The following FRMPD3 variants were observed in gnomAD, a reference collection of about 807,000 sequenced individuals.
FRMPD3 encodes FERM and PDZ domain containing 3.
Under a neutral mutation model 97.9 loss-of-function variants are expected in FRMPD3, and 42 were observed. That is an observed-to-expected ratio of 0.43 (90% CI 0.34 to 0.55). The LOEUF is 0.55. Ranked by LOEUF, FRMPD3 falls within the 20% of genes least tolerant of loss-of-function variation. The pLI, the probability that FRMPD3 is intolerant of heterozygous loss-of-function variation, is 0.03. For synonymous variants in FRMPD3, 577 were observed against 581.1 expected (o/e 0.99, Z 0.10); for missense variants, 1,303 against 1,457.7 (o/e 0.89, Z 1.73).
intron 1 of FRMPD3, among the ~76,000 whole-genome samples, chrX:107,513,785 A>G (rs1922228560): frequency 8.9e-6 from 1 of 112,431 alleles, no homozygotes; most frequent in Admixed American, 9.4e-5. Flanking sequence ...CTATTCATTC[A>G]TTGGTTGATT....
intron 1 of FRMPD3, among the ~76,000 whole-genome samples, chrX:107,468,205 C>T (rs1931608668): frequency 8.9e-6 from 1 of 111,900 alleles, no homozygotes; most frequent in African/African-American, 3.3e-5. Context: ...AATTTTACTC[C>T]CCGAAGTATG....
chrX:107,601,732 G>A lies in FRMPD3; in HGVS notation c.3693G>A (p.Glu1231=). Residue 1231 remains glutamate, a synonymous_variant, in exon 15 of 15, where the codon GAG becomes GAA. Transcript: ENST00000683843. The part of the protein sequence containing the change: ...SATFPTRQKK[E]TDERQAQLQK... ...CCTTCCCAACCCGCCAGAAGAAGGA[G>A]ACAGATGAGCGGCAGGCCCAACTGC... The A allele has an allele frequency of 8.3e-7, 1 of 1,211,454 alleles. No individual in the cohort carries two copies. The highest frequency in any genetic ancestry group is 1.1e-6 in the Non-Finnish European group (1 of 895,546).
In FRMPD3 at chrX:107,597,668, T is replaced by C; in HGVS notation, c.1789T>C (p.Tyr597His). The C allele has an allele frequency of 8.3e-7, 1 of 1,210,789 alleles. No individual in the cohort carries two copies. The highest frequency in any genetic ancestry group is 1.1e-6 in the Non-Finnish European group (1 of 895,331). The change falls in exon 14 of 15, where the codon TAC (tyrosine) becomes CAC (histidine). Residue 597 changes from tyrosine to histidine, a missense_variant. Coordinates refer to ENST00000683843, the MANE Select transcript of FRMPD3 (RefSeq NM_001388459.1). ...HEPCASRARS[Y>H]TLDNSLGAEA... ...GCCTTGTGCCAGCAGGGCCCGGTCCTACACCTTGGACAATTCCCTTGGGGC... is the reference window on the plus strand; with the variant it reads ...GCCTTGTGCCAGCAGGGCCCGGTCCCACACCTTGGACAATTCCCTTGGGGC...
intron 5 of FRMPD3, 87 bp downstream of exon 5, chrX:107,545,928 G>C (rs761843008): frequency 2.7e-6 from 2 of 732,529 alleles, no homozygotes; most frequent in East Asian, 3.4e-5. Flanking sequence ...TCTTATAGTG[G>C]ACAGCTTTCC....
In FRMPD3 at chrX:107,600,306, T is replaced by G. The variant is rs752469279; in HGVS notation, c.2267T>G (p.Leu756Arg). 3 of 1,202,002 alleles carry G rather than the reference T, an allele frequency of 2.5e-6. No individual in the cohort carries two copies. Among genetic ancestry groups the G allele is most frequent in the Non-Finnish European group, 3.4e-6 (3 of 889,834 alleles). ...PHPPPPQTAG[L>R]IVLATITPES... ...AGCCCTATCCCTGTTCCTCCAGGTC[T>G]GATTGTGCTGGCCACAATCACTCCT... The change falls in exon 15 of 15, where the codon CTG becomes CGG. Residue 756 changes from leucine to arginine, a missense_variant. Around this residue, in one of 3 missense-constraint regions of FRMPD3, gnomAD observed 535 missense variants for 618.6 expected, o/e 0.86. Coordinates refer to ENST00000683843, the MANE Select transcript of FRMPD3 (RefSeq NM_001388459.1).
intron 1 of FRMPD3, among the ~76,000 whole-genome samples, chrX:107,465,243 G>T (rs1227721680): frequency 1.8e-5 from 2 of 111,215 alleles, no homozygotes; most frequent in Admixed American, 1.9e-4. Flanking sequence ...AGGTCAAGGC[G>T]GGCAAATCAC....
chrX:107,582,077 G>A (rs1028410984), intron 13 of FRMPD3, among the ~76,000 whole-genome samples: 4 of 111,740 alleles, frequency 3.6e-5, no homozygotes, highest in African/African-American at 1.3e-4. Context: ...AACTTTTAGA[G>A]GAACTGCCGA....
At chrX:107,593,923 G>A (rs183066597) in intron 13 of FRMPD3, among the ~76,000 whole-genome samples, 1,395 of 111,408 alleles carry the variant, frequency 0.013, 11 homozygotes, top group Non-Finnish European at 0.019. Flanking sequence ...AATGATGATG[G>A]CATTTTGATG....
intron 3 of FRMPD3, 64 bp downstream of exon 3, chrX:107,530,575 GGCCACCACTATC>G (rs1922901646): frequency 5.2e-6 from 4 of 773,112 alleles, no homozygotes; most frequent in Non-Finnish European, 7.7e-6. Context: ...AGTGACATGG[GGCCACCACTATC>G]CCCCCCTCGC....
At chrX:107,482,859 A>T (rs1246456952) in intron 1 of FRMPD3, among the ~76,000 whole-genome samples, 2 of 111,520 alleles carry the variant, frequency 1.8e-5, no homozygotes, top group Non-Finnish European at 3.8e-5. Context: ...CAATAGAATA[A>T]AACACAGTAA....
chrX:107,597,998 G>A lies in FRMPD3; in HGVS notation c.2119G>A (p.Val707Met). 1.7e-6 allele frequency: 2 copies of A among 1,210,759 alleles called. No individual in the cohort carries two copies. The highest frequency in any genetic ancestry group is 1.8e-5 in the South Asian group (1 of 56,963). ...LRGLLYDEIPVTLIDSVQTRT... is the reference protein window; with the variant it reads ...LRGLLYDEIPMTLIDSVQTRT... Reference sequence around the variant, plus strand: ...TGGGCTTCTGTACGATGAGATTCCAGTGACATTGATTGACAGTGTGCAGAC... The same window carrying A: ...TGGGCTTCTGTACGATGAGATTCCAATGACATTGATTGACAGTGTGCAGAC... Residue 707 changes from valine (V) to methionine (M), a missense_variant, in exon 14 of 15, where the codon GTG becomes ATG. Physicochemically the swap from Val to Met is conservative, Grantham distance 21. This residue lies in a region of FRMPD3 where 535 missense variants were observed against 618.6 expected (regional missense o/e 0.86). Transcript: ENST00000683843.
intron 1 of FRMPD3, among the ~76,000 whole-genome samples, chrX:107,489,315 T>C (rs1272388758): frequency 9.0e-6 from 1 of 111,249 alleles, no homozygotes; most frequent in Admixed American, 9.6e-5. Context: ...TGTGTCTTTA[T>C]AGCAGCATGT....
intron 6 of FRMPD3, 49 bp from the exon 7 acceptor site, chrX:107,552,746 C>T (rs1255336747): frequency 8.4e-7 from 1 of 1,187,048 alleles, no homozygotes; most frequent in South Asian, 1.9e-5. Flanking sequence ...CTTAGAATAG[C>T]TTAGGGCCAG....
At chrX:107,503,072 C>T (rs1203160887) in intron 1 of FRMPD3, among the ~76,000 whole-genome samples, 1 of 111,765 alleles carries the variant, frequency 8.9e-6, no homozygotes, top group East Asian at 2.8e-4. Context: ...GGGGGTTTCA[C>T]AGGCACATAG....
At chrX:107,535,359 G>A (rs898790277) in intron 4 of FRMPD3, among the ~76,000 whole-genome samples, 5 of 111,579 alleles carry the variant, frequency 4.5e-5, no homozygotes, top group African/African-American at 1.6e-4. Context: ...TTCTCCCAGT[G>A]GTTATATCTT....
chrX:107,459,183 G>T (rs1303876338), intron 1 of FRMPD3, among the ~76,000 whole-genome samples: 1 of 112,650 alleles, frequency 8.9e-6, no homozygotes, highest in African/African-American at 3.2e-5. Context: ...GCCAAGCTGG[G>T]GTGCTGAGTA....
rs747489056 is a variant in FRMPD3 at position 107,576,320 on chromosome X, G to A, written c.1302G>A (p.Leu434=). The A allele has an allele frequency of 3.2e-5, 39 of 1,208,579 alleles. No homozygotes were observed. Among genetic ancestry groups the A allele is most frequent in the Non-Finnish European group, 4.2e-5 (38 of 894,846 alleles). ...VETSIMDAKP[L]VLLMEWPEAT... is the part of the protein sequence containing the mutation. ...TCTTCCCTTCTCTTCTGCAGCCTCT[G>A]GTGCTGTTGATGGAGTGGCCTGAAG... is the stretch of plus-strand genomic sequence containing the variant. The change falls in exon 13 of 15, where the codon CTG becomes CTA. Residue 434 remains leucine (L), a synonymous_variant. Transcript: ENST00000683843.
chrX:107,569,291 T>G (rs1325457128), intron 12 of FRMPD3, among the ~76,000 whole-genome samples: 1 of 65,666 alleles, frequency 1.5e-5, no homozygotes, highest in Non-Finnish European at 2.6e-5. Flanking sequence ...CGAGACTCCA[T>G]CTCAAAAAAA....
At chrX:107,552,645 G>A (rs1921912663) in intron 6 of FRMPD3, 150 bp from the exon 7 acceptor site, 1 of 586,157 alleles carries the variant, frequency 1.7e-6, no homozygotes, top group Middle Eastern at 5.1e-4. Context: ...GGATCACAGA[G>A]CCTGGGCTAC....
Sources: gnomAD v4.1 joint callset for allele counts (sites outside exome capture counted in the v4.1 genomes callset) on GRCh38, gnomAD v4.1.1 for gene constraint, gnomAD v4.1.1 regional missense constraint, MANE v1.5 for transcripts, NCBI Gene and HGNC (gene_info 2026-07-23, HGNC 2026-07-21) for gene names.